FBXO33: variants seen among roughly 807,000 people sequenced by gnomAD.
FBXO33 encodes F-box protein 33.
In FBXO33, 22 loss-of-function variants were observed where a neutral mutation model predicts 46.3. That is an observed-to-expected ratio of 0.48 (90% CI 0.34 to 0.68). FBXO33 has a LOEUF of 0.68. FBXO33 is among the 30% of genes least tolerant of loss of function. The pLI is 0.01. For missense variants in FBXO33, 692 were observed against 708.8 expected (o/e 0.98, Z 0.27); for synonymous variants, 337 against 291.3 (o/e 1.16, Z -1.60).
intron 1 of FBXO33, among the ~76,000 whole-genome samples, chr14:39,421,636 T>C (rs1053206009): frequency 6.6e-6 from 1 of 152,172 alleles, no homozygotes; most frequent in Non-Finnish European, 1.5e-5. Context: ...TGGGAGCAAT[T>C]AAACAGACTA....
chr14:39,401,514 T>C lies in FBXO33; in HGVS notation c.1058A>G (p.Asn353Ser), dbSNP rs772511993. The change falls in exon 3 of 4, where the codon AAC becomes AGC. Residue 353 changes from asparagine to serine, a missense_variant. Transcript: ENST00000298097. Reference protein sequence around the residue: ...NVSVMHKSLDNMPNDEHWKAL... With the variant: ...NVSVMHKSLDSMPNDEHWKAL... ...TTTCCAATGCTCATCATTTGGCATG[T>C]TGTCCAGAGACTTGTGCATTACAGA... 5 of 1,614,216 alleles carry C rather than the reference T, an allele frequency of 3.1e-6. No individual in the cohort carries two copies. In the East Asian group the frequency reaches 6.7e-5, roughly 22 times the overall value.
At position 39,401,654 on chromosome 14, in the gene FBXO33, C is replaced by T. The variant is rs762817650; in HGVS notation, c.918G>A (p.Val306=). ...AATCCAAGGCAAGTGAGTGCAGATT[C>T]ACAAATCGCTCCAGTTCAACTGCAG... ...LITAVELERF[V]NLHSLALDFC... The change falls in exon 3 of 4, where the codon GTG becomes GTA. Residue 306 remains valine (V), a synonymous_variant. Coordinates refer to ENST00000298097, the MANE Select transcript of FBXO33 (RefSeq NM_203301.4). 3.7e-5 allele frequency: 59 copies of T among 1,614,064 alleles called. No homozygotes were observed. Among genetic ancestry groups the T allele is most frequent in the Non-Finnish European group, 4.7e-5 (55 of 1,180,036 alleles).
In FBXO33 at chr14:39,422,606, T is replaced by C. The variant is rs549481226; in HGVS notation, c.599+8958A>G. On this transcript the variant is annotated intron_variant, in intron 1 of 3. Coordinates refer to ENST00000298097, the MANE Select transcript of FBXO33 (RefSeq NM_203301.4). ...CTGACTTCTTCTACATTTCATTGCT[T>C]TCCATGCTGTGTCTTTTTCTTTTTT... Among the ~76,000 whole-genome samples the C allele has an allele frequency of 9.2e-5, 14 of 152,378 alleles. No homozygotes were observed. The South Asian group carries it at 2.9e-3, about 32-fold the overall frequency.
At position 39,398,237 on chromosome 14, in the gene FBXO33, T is replaced by A. The variant is rs150377868; in HGVS notation, c.*1279A>T. On this transcript the variant is annotated 3_prime_UTR_variant, in exon 4 of 4. Coordinates refer to ENST00000298097, the MANE Select transcript of FBXO33 (RefSeq NM_203301.4). ...GCACAACATTCGTACCACTTAAAAC[T>A]GGGGTCAGGTGGAAGTCTCACAGAG... 1.3e-5 allele frequency: 2 copies of A among 152,776 alleles called. No individual in the cohort carries two copies. Among genetic ancestry groups the A allele is most frequent in the East Asian group, 3.9e-4 (2 of 5,186 alleles). 9.5% of individuals were successfully genotyped at this position (152,776 alleles called of 1,614,324 possible). A position where few individuals can be genotyped will look rare whatever the true frequency, so the allele number is the denominator to read the frequency against.
rs1443168959 is a variant in FBXO33, at chr14:39,398,688, G to T, written c.*828C>A. 1 of 152,578 alleles carries T rather than the reference G, an allele frequency of 6.6e-6. No homozygotes were observed. The highest frequency in any genetic ancestry group is 2.4e-5 in the African/African-American group (1 of 41,442). The allele number at this position is 152,578 out of a possible 1,614,324, so 9.5% of individuals were successfully genotyped here. On this transcript the variant is annotated 3_prime_UTR_variant, in exon 4 of 4. Transcript: ENST00000298097. Reference sequence around the variant, plus strand: ...CTGACAGAGAAAAATCCAGTGACTTGTTGCTAGGGATTTCACGACTAATGT... The same window carrying T: ...CTGACAGAGAAAAATCCAGTGACTTTTTGCTAGGGATTTCACGACTAATGT...
chr14:39,411,772 T>C (rs1180768973), intron 1 of FBXO33, among the ~76,000 whole-genome samples: 1 of 151,994 alleles, frequency 6.6e-6, no homozygotes, highest in Non-Finnish European at 1.5e-5. Flanking sequence ...CCGCCCGCCT[T>C]GGCCTTCTAA....
intron 1 of FBXO33, among the ~76,000 whole-genome samples, chr14:39,404,503 T>C (rs1323133252): frequency 1.3e-5 from 2 of 152,012 alleles, no homozygotes; most frequent in Non-Finnish European, 2.9e-5. Flanking sequence ...ATTTTTTGTA[T>C]TTTTAGTAGA....
chr14:39,420,943 G>A lies in FBXO33; in HGVS notation c.599+10621C>T, dbSNP rs533207552. On this transcript the variant is annotated intron_variant, in intron 1 of 3. Transcript: ENST00000298097. ...GAGAAGCCTAACTCCTAGAGTTGCT[G>A]AATACTGCTGTTAATATAGGAAAGC... Among the ~76,000 whole-genome samples the A allele has an allele frequency of 2.0e-5, 3 of 152,280 alleles. No homozygotes were observed. In the South Asian group the frequency reaches 6.2e-4, roughly 32 times the overall value.
rs368497100 is a variant in FBXO33, at chr14:39,399,676, G to C, written c.1508C>G (p.Ala503Gly). 211 of 1,613,802 alleles carry C rather than the reference G, an allele frequency of 1.3e-4. No homozygotes were observed. Among genetic ancestry groups the C allele is most frequent in the Non-Finnish European group, 1.6e-4 (189 of 1,179,918 alleles). Reference sequence around the variant, plus strand: ...ATGCACTGGATCTACATCCTGGTCGGCCAGTTCACCTTGGTCAAAATCAAT... The same window carrying C: ...ATGCACTGGATCTACATCCTGGTCGCCCAGTTCACCTTGGTCAAAATCAAT... ...ESIDFDQGEL[A>G]DQDVDPVHNL... Residue 503 changes from alanine to glycine, a missense_variant, in exon 4 of 4, where the codon GCC (alanine) becomes GGC (glycine). Around this residue, in one of 3 missense-constraint regions of FBXO33, gnomAD observed 94 missense variants for 91.9 expected, o/e 1.02. Transcript: ENST00000298097.
At position 39,399,433 on chromosome 14, in the gene FBXO33, G is replaced by C. The variant is rs2075358132; in HGVS notation, c.*83C>G. 1 of 1,201,352 alleles carries C rather than the reference G, an allele frequency of 8.3e-7. No individual in the cohort carries two copies. 74.4% of individuals were successfully genotyped at this position (1,201,352 alleles called of 1,614,324 possible). A position where few individuals can be genotyped will look rare whatever the true frequency, so the allele number is the denominator to read the frequency against. Reference sequence around the variant, plus strand: ...AATACTGATTAAACACAGCACAAAAGGATTAATTCACACTACTGAAAAAAA... The same window carrying C: ...AATACTGATTAAACACAGCACAAAACGATTAATTCACACTACTGAAAAAAA... On this transcript the variant is annotated 3_prime_UTR_variant, in exon 4 of 4. Coordinates refer to ENST00000298097, the MANE Select transcript of FBXO33 (RefSeq NM_203301.4).
At chr14:39,403,068 A>G (rs1264911688) in intron 1 of FBXO33, among the ~76,000 whole-genome samples, 6 of 152,184 alleles carry the variant, frequency 3.9e-5, no homozygotes, top group Admixed American at 3.9e-4. Flanking sequence ...GTTTAAGGAT[A>G]AATGACACAA....
At position 39,397,867 on chromosome 14, in the gene FBXO33, GTTATT is replaced by G. The variant is rs1404903159; in HGVS notation, c.*1644_*1648del. 2 of 152,564 alleles carry G rather than the reference GTTATT, an allele frequency of 1.3e-5. No individual in the cohort carries two copies. The highest frequency in any genetic ancestry group is 2.9e-5 in the Non-Finnish European group (2 of 68,036). The allele number at this position is 152,564 out of a possible 1,614,324, so 9.5% of individuals were successfully genotyped here. A position where few individuals can be genotyped will look rare whatever the true frequency, so the allele number is the denominator to read the frequency against. Reference sequence around the variant, plus strand: ...GGTTTCCTTACAGTTTCTGTCAGGAGTTATTTTATCTGATCACATTTATAAGATAA... The same window carrying G: ...GGTTTCCTTACAGTTTCTGTCAGGAGTTATCTGATCACATTTATAAGATAA... On this transcript the variant is annotated 3_prime_UTR_variant, in exon 4 of 4. Transcript: ENST00000298097.
chr14:39,411,768 G>A (rs1472573963), intron 1 of FBXO33, among the ~76,000 whole-genome samples: 1 of 152,042 alleles, frequency 6.6e-6, no homozygotes, highest in African/African-American at 2.4e-5. Flanking sequence ...TGATCCGCCC[G>A]CCTTGGCCTT....
chr14:39,404,106 G>T (rs1037460555), intron 1 of FBXO33, among the ~76,000 whole-genome samples: 1 of 152,086 alleles, frequency 6.6e-6, no homozygotes, highest in Admixed American at 6.5e-5. Context: ...TCACGGAAAA[G>T]CCCAATGATT....
At chr14:39,423,826 C>A (rs913790102) in intron 1 of FBXO33, among the ~76,000 whole-genome samples, 1 of 152,058 alleles carries the variant, frequency 6.6e-6, no homozygotes, top group Non-Finnish European at 1.5e-5. Context: ...GTTAAAATAA[C>A]TTTTATTTTA....
chr14:39,402,502 C>T lies in FBXO33; in HGVS notation c.609G>A (p.Gln203=), dbSNP rs1351942430. The T allele has an allele frequency of 1.3e-6, 2 of 1,507,026 alleles. No homozygotes were observed. Among genetic ancestry groups the T allele is most frequent in the Non-Finnish European group, 1.8e-6 (2 of 1,123,712 alleles). 93.4% of individuals were successfully genotyped at this position (1,507,026 alleles called of 1,614,324 possible). The change falls in exon 2 of 4, where the codon CAG becomes CAA. Residue 203 remains glutamine, a synonymous_variant. Coordinates refer to ENST00000298097, the MANE Select transcript of FBXO33 (RefSeq NM_203301.4). The part of the protein sequence containing the change: ...LVSIRNNRNL[Q]KFSLFGDISV... ...TTATGTCTCCAAAAAGACTAAACTT[C>T]TGAAGGTTCCTACAAGAACAATCAT...
At chr14:39,407,473 C>T (rs1228623600) in intron 1 of FBXO33, among the ~76,000 whole-genome samples, 1 of 152,162 alleles carries the variant, frequency 6.6e-6, no homozygotes, top group African/African-American at 2.4e-5. Context: ...CCTTACAGCC[C>T]CAGCAATCAC....
chr14:39,430,612 A>G (rs1595990035), intron 1 of FBXO33, among the ~76,000 whole-genome samples: 1 of 152,162 alleles, frequency 6.6e-6, no homozygotes, highest in Admixed American at 6.5e-5. Context: ...GGCTCAAACA[A>G]CACAGTGAAT....
intron 2 of FBXO33, 102 bp from the exon 3 acceptor site, chr14:39,401,963 A>T: frequency 2.2e-6 from 2 of 918,662 alleles, no homozygotes; most frequent in Non-Finnish European, 3.3e-6. Context: ...CAATTTTGAG[A>T]TCTATTTTTC....
Sources: gnomAD v4.1 joint callset for allele counts (sites outside exome capture counted in the v4.1 genomes callset) on GRCh38, gnomAD v4.1.1 for gene constraint, gnomAD v4.1.1 regional missense constraint, MANE v1.5 for transcripts, NCBI Gene and HGNC (gene_info 2026-07-23, HGNC 2026-07-21) for gene names.